DLG5: variants seen among roughly 807,000 people sequenced by gnomAD.
DLG5 encodes disks large homolog 5.
A neutral mutation model predicts 189.8 loss-of-function variants in DLG5; 48 were observed. The ratio of observed to expected loss-of-function variants is 0.25; its 90% CI spans 0.20 to 0.32. The LOEUF is 0.32. Among genes scored for constraint, DLG5 ranks in the 10% least tolerant of loss-of-function variants. The pLI, the probability that DLG5 is intolerant of heterozygous loss-of-function variation, is 1.00. For synonymous variants in DLG5, 1,016 were observed against 1,054.1 expected, an observed-to-expected ratio of 0.96 and a Z score of 0.70; for missense variants, 2,160 against 2,544.7, an observed-to-expected ratio of 0.85 and a Z score of 3.25.
intron 1 of DLG5, among the ~76,000 whole-genome samples, chr10:77,904,514 C>A (rs1846018067): frequency 6.6e-6 from 1 of 152,074 alleles, no homozygotes; most frequent in African/African-American, 2.4e-5. Context: ...AATTATATGT[C>A]CCAGAATTCT....
chr10:77,851,371 A>G (rs1460315518), intron 5 of DLG5, among the ~76,000 whole-genome samples: 1 of 152,204 alleles, frequency 6.6e-6, no homozygotes, highest in Admixed American at 6.5e-5. Context: ...CAGAGCTAGC[A>G]CGGCACTTTC....
intron 2 of DLG5, among the ~76,000 whole-genome samples, chr10:77,858,099 A>G (rs1437645641): frequency 1.3e-5 from 2 of 152,110 alleles, no homozygotes; most frequent in African/African-American, 4.8e-5. Flanking sequence ...GACAAGCCAG[A>G]CCACAGTGGG....
At chr10:77,873,542 G>C (rs932431916) in intron 1 of DLG5, among the ~76,000 whole-genome samples, 4 of 152,024 alleles carry the variant, frequency 2.6e-5, no homozygotes, top group African/African-American at 9.7e-5. Flanking sequence ...CACTTCAAAA[G>C]AAATTCCAGG....
chr10:77,868,293 A>T, intron 2 of DLG5: 1 of 365,052 alleles, frequency 2.7e-6, no homozygotes, highest in Non-Finnish European at 5.4e-6. Context: ...TTTCCCACCA[A>T]AAGACCCTAA....
Position 77,872,669 on chromosome 10 carries a change from G to A in DLG5, c.305-3472C>T, listed in dbSNP as rs541451813. 8.8e-4 allele frequency among the ~76,000 whole-genome samples: 134 copies of A among 152,324 alleles called. 1 individual carries two copies. The highest frequency in any genetic ancestry group is 3.1e-3 in the African/African-American group (131 of 41,594). On this transcript the variant is annotated intron_variant, in intron 1 of 31. Coordinates refer to ENST00000372391, the MANE Select transcript of DLG5 (RefSeq NM_004747.4). ...GCGGTTATTGTTGTCCTAAAGGCCT[G>A]TGTGGTCAGGACAGTCAGGAAAAGG...
intron 13 of DLG5, among the ~76,000 whole-genome samples, chr10:77,825,651 G>A (rs1037911564): frequency 6.6e-6 from 1 of 151,858 alleles, no homozygotes; most frequent in African/African-American, 2.4e-5. Context: ...CGCCTCCCAG[G>A]TTCAAGCAAT....
intron 29 of DLG5, among the ~76,000 whole-genome samples, chr10:77,795,725 G>A (rs1303393726): frequency 1.3e-5 from 2 of 152,104 alleles, no homozygotes; most frequent in Admixed American, 1.3e-4. Flanking sequence ...TTCGGCACAT[G>A]CATTTGGGGA....
chr10:77,822,035 T>A lies in DLG5; in HGVS notation c.2449A>T (p.Met817Leu), dbSNP rs756977414. The A allele has an allele frequency of 1.2e-6, 2 of 1,614,160 alleles. No homozygotes were observed. Among genetic ancestry groups the A allele is most frequent in the Admixed American group, 3.3e-5 (2 of 60,018 alleles). Reference protein sequence around the residue: ...IFENIKDSDKMLSFRAHGPEV... With the variant: ...IFENIKDSDKLLSFRAHGPEV... ...GGGCCATGGGCTCGAAAACTCAGCA[T>A]CTTATCAGAGTCTTTGATATTTTCA... Residue 817 changes from methionine to leucine, a missense_variant, in exon 15 of 32, where the codon ATG (methionine) becomes TTG (leucine). Physicochemically the swap from Met to Leu is conservative, Grantham distance 15. This residue lies in a region of DLG5 where 754 missense variants were observed against 746.5 expected (regional missense o/e 1.01). Transcript: ENST00000372391.
chr10:77,820,099 ACT>A, intron 15 of DLG5, 81 bp from the exon 16 acceptor site: 2 of 1,567,736 alleles, frequency 1.3e-6, no homozygotes, highest in Non-Finnish European at 1.7e-6. Flanking sequence ...TAATCCCAGC[ACT>A]CTGGGAGGCC....
Position 77,794,900 on chromosome 10 carries a change from T to C in DLG5, c.5495A>G (p.His1832Arg), listed in dbSNP as rs1271506173. ...GATGAAGATGACAATGGGGTAGATG[T>C]GCATGTGGTGGAGCCGCTCAATAGC... ...PHAIERLHHM[H>R]IYPIVIFIHY... is the part of the protein sequence containing the mutation. Residue 1832 changes from histidine (H) to arginine (R), a missense_variant, in exon 30 of 32, where the codon CAC (histidine) becomes CGC (arginine). This residue lies in a region of DLG5 where 574 missense variants were observed against 644.2 expected (regional missense o/e 0.89). Transcript: ENST00000372391. 6.2e-7 allele frequency: 1 copy of C among 1,614,032 alleles called. No individual in the cohort carries two copies. Among genetic ancestry groups the C allele is most frequent in the African/African-American group, 1.3e-5 (1 of 75,046 alleles).
At chr10:77,844,262 G>A (rs914599443) in intron 5 of DLG5, among the ~76,000 whole-genome samples, 5 of 152,162 alleles carry the variant, frequency 3.3e-5, no homozygotes, top group African/African-American at 1.2e-4. Context: ...GTGTGTTGTT[G>A]TGATTCCATG....
intron 9 of DLG5, 66 bp from the exon 10 acceptor site, chr10:77,830,939 C>T (rs1842869803): frequency 3.2e-6 from 5 of 1,572,496 alleles, no homozygotes; most frequent in Non-Finnish European, 2.6e-6. Flanking sequence ...CGTAACGGCT[C>T]TGAACCTCAC....
intron 27 of DLG5, among the ~76,000 whole-genome samples, chr10:77,804,765 G>C (rs1841387038): frequency 6.6e-6 from 1 of 152,184 alleles, no homozygotes; most frequent in Admixed American, 6.5e-5. Flanking sequence ...CATGAACACA[G>C]GACTGAGGCC....
chr10:77,885,301 C>T (rs1201893564), intron 1 of DLG5, among the ~76,000 whole-genome samples: 1 of 152,160 alleles, frequency 6.6e-6, no homozygotes, highest in Non-Finnish European at 1.5e-5. Context: ...CTAAAACACT[C>T]CAAGCAAAAT....
intron 5 of DLG5, 135 bp from the exon 6 acceptor site, chr10:77,843,841 TGA>T (rs1843552318): frequency 9.2e-7 from 1 of 1,083,810 alleles, no homozygotes; most frequent in Non-Finnish European, 1.3e-6. Flanking sequence ...CTAAAGCTTT[TGA>T]GAGTCTTGAG....
chr10:77,830,302 C>T lies in DLG5; in HGVS notation c.1924G>A (p.Gly642Ser). 6.2e-7 allele frequency: 1 copy of T among 1,614,208 alleles called. No homozygotes were observed. Among genetic ancestry groups the T allele is most frequent in the Admixed American group, 1.7e-5 (1 of 60,024 alleles). ...LKALGFDMAEGVNEPCFPGDC... is the reference protein window; with the variant it reads ...LKALGFDMAESVNEPCFPGDC... Reference sequence around the variant, plus strand: ...CCCGGGAAACAAGGCTCATTCACACCTTCTGCCATATCAAACCCCAGTGCC... The same window carrying T: ...CCCGGGAAACAAGGCTCATTCACACTTTCTGCCATATCAAACCCCAGTGCC... The change falls in exon 11 of 32, where the codon GGT (glycine) becomes AGT (serine). Residue 642 changes from glycine (G) to serine (S), a missense_variant. Coordinates refer to ENST00000372391, the MANE Select transcript of DLG5 (RefSeq NM_004747.4).
At chr10:77,859,019 T>C (rs767314233) in intron 2 of DLG5, among the ~76,000 whole-genome samples, 1 of 152,078 alleles carries the variant, frequency 6.6e-6, no homozygotes, top group Admixed American at 6.6e-5. Context: ...ACTACAGGCA[T>C]GTGCCACCAC....
intron 1 of DLG5, among the ~76,000 whole-genome samples, chr10:77,901,774 T>A (rs909637652): frequency 2.0e-5 from 3 of 152,002 alleles, no homozygotes; most frequent in African/African-American, 7.3e-5. Flanking sequence ...AGCACCCGGC[T>A]CCAACGGTGG....
At chr10:77,829,211 C>T in intron 12 of DLG5, 144 bp downstream of exon 12, 3 of 1,242,086 alleles carry the variant, frequency 2.4e-6, no homozygotes, top group Middle Eastern at 2.8e-4. Context: ...CCACCTCTTG[C>T]CAGAAAAGCA....
Sources: gnomAD v4.1 joint callset for allele counts (sites outside exome capture counted in the v4.1 genomes callset) on GRCh38, gnomAD v4.1.1 for gene constraint, gnomAD v4.1.1 regional missense constraint, MANE v1.5 for transcripts, NCBI Gene and HGNC (gene_info 2026-07-23, HGNC 2026-07-21) for gene names.